LRMDA: variants seen among roughly 807,000 people sequenced by gnomAD.
LRMDA encodes leucine-rich melanocyte differentiation-associated protein.
In LRMDA, 18 loss-of-function variants were observed where a neutral mutation model predicts 29.8. The observed-to-expected ratio is 0.60, with a 90% CI of 0.42 to 0.90. The LOEUF (loss-of-function observed/expected upper bound fraction) is 0.90. Among genes scored for constraint, LRMDA ranks in the 40% least tolerant of loss-of-function variants. LRMDA has a pLI of 0.00. For synonymous variants in LRMDA, 125 were observed against 109.4 expected (o/e 1.14, Z -0.89); for missense variants, 273 against 273.9 (o/e 1.00, Z 0.02).
At chr10:76,450,360 T>G (rs528485372) in intron 6 of LRMDA, among the ~76,000 whole-genome samples, 16 of 152,234 alleles carry the variant, frequency 1.1e-4, no homozygotes, top group African/African-American at 3.4e-4. Flanking sequence ...TTTTCATTTT[T>G]GTAGGATTTT....
intron 5 of LRMDA, among the ~76,000 whole-genome samples, chr10:76,152,715 G>C (rs922289970): frequency 5.3e-5 from 8 of 152,112 alleles, no homozygotes; most frequent in African/African-American, 1.9e-4. Context: ...CAGTGATCCT[G>C]TGGGTGTGAA....
At chr10:76,160,762 C>A (rs547014030) in intron 5 of LRMDA, among the ~76,000 whole-genome samples, 3 of 152,160 alleles carry the variant, frequency 2.0e-5, no homozygotes, top group Admixed American at 6.5e-5. Context: ...CTACACTGGC[C>A]AGAGCAAGAA....
chr10:76,501,531 G>C (rs369511652), intron 6 of LRMDA, among the ~76,000 whole-genome samples: 2 of 151,894 alleles, frequency 1.3e-5, no homozygotes, highest in East Asian at 3.9e-4. Context: ...ACCAGCATAT[G>C]TCATTTTTTG....
intron 2 of LRMDA, among the ~76,000 whole-genome samples, chr10:75,751,132 G>A (rs1057461552): frequency 3.9e-5 from 6 of 152,238 alleles, no homozygotes; most frequent in African/African-American, 1.4e-4. Flanking sequence ...CGGCCAACAC[G>A]GTGAAACCCC....
At chr10:75,769,918 G>A (rs867744255) in intron 2 of LRMDA, among the ~76,000 whole-genome samples, 22 of 152,290 alleles carry the variant, frequency 1.4e-4, no homozygotes, top group Middle Eastern at 6.8e-3. Flanking sequence ...GCAAGGTGGA[G>A]GTTGCAGTGA....
intron 2 of LRMDA, among the ~76,000 whole-genome samples, chr10:76,030,252 G>A (rs1367241436): frequency 6.6e-6 from 1 of 151,982 alleles, no homozygotes; most frequent in Admixed American, 6.6e-5. Flanking sequence ...AATTATTTGT[G>A]TGTGTGTGTG....
chr10:75,523,496 C>T (rs1845384474), intron 2 of LRMDA, among the ~76,000 whole-genome samples: 1 of 152,154 alleles, frequency 6.6e-6, no homozygotes, highest in African/African-American at 2.4e-5. Flanking sequence ...CAAGAAGATT[C>T]TACTGCATTC....
rs1029705175 is a variant in LRMDA at position 76,534,558 on chromosome 10, G to T, written c.602-22651G>T. Reference sequence around the variant, plus strand: ...AGTAAGAAAGATGTAAACTTCTATTGTGTTGGGCCACTGAAATTTTGGGAC... The same window carrying T: ...AGTAAGAAAGATGTAAACTTCTATTTTGTTGGGCCACTGAAATTTTGGGAC... On this transcript the variant is annotated intron_variant, in intron 6 of 6. Transcript: ENST00000611255. Among the ~76,000 whole-genome samples the T allele has an allele frequency of 1.2e-4, 18 of 152,128 alleles. 1 individual carries two copies. The South Asian group carries it at 1.9e-3, about 16-fold the overall frequency.
At chr10:76,159,963 T>C (rs1017735132) in intron 5 of LRMDA, among the ~76,000 whole-genome samples, 6 of 152,126 alleles carry the variant, frequency 3.9e-5, no homozygotes, top group African/African-American at 1.4e-4. Flanking sequence ...ATACATGTCA[T>C]GTATCTGTCT....
In LRMDA at chr10:75,761,804, T is replaced by G. The variant is rs530684744; in HGVS notation, c.132-274204T>G. ...TTTTGGTATACTTTTGTTTTTTTTT[T>G]TTTGTTTTTTTTTTTTTGAGACAGG... is the stretch of plus-strand genomic sequence containing the variant. On this transcript the variant is annotated intron_variant, in intron 2 of 6. Coordinates refer to ENST00000611255, the MANE Select transcript of LRMDA (RefSeq NM_001305581.2). Among the ~76,000 whole-genome samples the G allele has an allele frequency of 2.5e-3, 356 of 139,870 alleles. 2 individuals are homozygous for G. Among genetic ancestry groups the G allele is most frequent in the African/African-American group, 0.011 (341 of 31,144 alleles). The allele number at this position is 139,870 out of a possible 152,430, so 91.8% of individuals were successfully genotyped here. A position where few individuals can be genotyped will look rare whatever the true frequency, so the allele number is the denominator to read the frequency against.
chr10:75,984,600 G>C (rs919681692), intron 2 of LRMDA, among the ~76,000 whole-genome samples: 3 of 152,204 alleles, frequency 2.0e-5, no homozygotes, highest in African/African-American at 7.2e-5. Flanking sequence ...GGCCCTGTGT[G>C]GGGGACCAAG....
chr10:76,430,311 G>T (rs1842177922), intron 6 of LRMDA, among the ~76,000 whole-genome samples: 1 of 152,160 alleles, frequency 6.6e-6, no homozygotes, highest in African/African-American at 2.4e-5. Context: ...ACACACTGGA[G>T]CCCCTTCCAG....
intron 6 of LRMDA, among the ~76,000 whole-genome samples, chr10:76,358,894 A>C (rs1841275219): frequency 6.6e-6 from 1 of 152,190 alleles, no homozygotes; most frequent in South Asian, 2.1e-4. Flanking sequence ...ATTGATTTGA[A>C]TAACTCTGTT....
intron 2 of LRMDA, among the ~76,000 whole-genome samples, chr10:75,933,305 G>T (rs982617119): frequency 1.2e-4 from 19 of 152,130 alleles, no homozygotes; most frequent in Admixed American, 1.2e-3. Flanking sequence ...GTCACTCCAC[G>T]CTCATCCATG....
intron 6 of LRMDA, among the ~76,000 whole-genome samples, chr10:76,427,469 G>C (rs900663364): frequency 6.6e-6 from 1 of 152,192 alleles, no homozygotes; most frequent in African/African-American, 2.4e-5. Flanking sequence ...TTGAGACTTT[G>C]CTGAAGTTGC....
intron 2 of LRMDA, among the ~76,000 whole-genome samples, chr10:75,620,741 C>T (rs938140238): frequency 2.6e-5 from 4 of 152,168 alleles, no homozygotes; most frequent in African/African-American, 7.2e-5. Flanking sequence ...GTGAGTTACT[C>T]CTGTAATAAT....
chr10:76,274,267 G>C (rs185802224), intron 5 of LRMDA, among the ~76,000 whole-genome samples: 11 of 152,238 alleles, frequency 7.2e-5, no homozygotes, highest in Admixed American at 5.9e-4. Flanking sequence ...ATCTAAACTT[G>C]CTGCACATAA....
chr10:75,976,811 G>T (rs1324183149), intron 2 of LRMDA, among the ~76,000 whole-genome samples: 1 of 152,168 alleles, frequency 6.6e-6, no homozygotes, highest in East Asian at 1.9e-4. Flanking sequence ...GCAGAGTCTG[G>T]ATTCAAGGCT....
intron 2 of LRMDA, among the ~76,000 whole-genome samples, chr10:75,666,226 C>A (rs1022859174): frequency 6.6e-6 from 1 of 151,984 alleles, no homozygotes; most frequent in African/African-American, 2.4e-5. Context: ...GAAAAAATAT[C>A]TGAATTGCAG....
Sources: allele counts gnomAD v4.1 joint callset (sites outside exome capture counted in the v4.1 genomes callset), GRCh38; gene constraint gnomAD v4.1.1; transcripts MANE v1.5; gene names NCBI Gene and HGNC (gene_info 2026-07-23, HGNC 2026-07-21).